The following IGDCC4 variants were observed in gnomAD, a reference collection of about 807,000 sequenced individuals.
IGDCC4 encodes the protein immunoglobulin superfamily DCC subclass member 4.
IGDCC4 carries 72 observed loss-of-function variants against 116.6 expected under a neutral mutation model. The ratio of observed to expected loss-of-function variants is 0.62; its 90% CI spans 0.51 to 0.75. IGDCC4 has a LOEUF of 0.75. IGDCC4 is among the 30% of genes least tolerant of loss of function. IGDCC4 has a pLI of 0.00. For synonymous variants in IGDCC4, 709 were observed against 719.9 expected, an observed-to-expected ratio of 0.98 and a Z score of 0.24; for missense variants, 1,501 against 1,662.4, an observed-to-expected ratio of 0.90 and a Z score of 1.69.
intron 5 of IGDCC4, among the ~76,000 whole-genome samples, chr15:65,397,828 G>A (rs958418631): frequency 6.6e-6 from 1 of 152,210 alleles, no homozygotes; most frequent in Non-Finnish European, 1.5e-5. Flanking sequence ...ACCTGTCCTA[G>A]GAAGATGATC....
At chr15:65,389,203 C>A in intron 14 of IGDCC4, 81 bp downstream of exon 14, 1 of 1,569,472 alleles carries the variant, frequency 6.4e-7, no homozygotes, top group African/African-American at 1.4e-5. Flanking sequence ...CCTTGGGGTT[C>A]TGAAGTATGT....
chr15:65,399,068 A>G (rs1024683398), intron 5 of IGDCC4, among the ~76,000 whole-genome samples: 2 of 152,164 alleles, frequency 1.3e-5, no homozygotes, highest in African/African-American at 2.4e-5. Context: ...CGTACTGTGC[A>G]CACGAATCAC....
chr15:65,384,332 C>T lies in IGDCC4; in HGVS notation c.3430G>A (p.Gly1144Arg), dbSNP rs552095729. The change falls in exon 20 of 20, where the codon GGG becomes AGG. Residue 1144 changes from glycine (G) to arginine (R), a missense_variant. Physicochemically the swap from Gly to Arg is moderately radical, Grantham distance 125 (BLOSUM62 -2). Around this residue, in one of 3 missense-constraint regions of IGDCC4, gnomAD observed 368 missense variants for 355.6 expected, o/e 1.03. Transcript: ENST00000352385. This position sits in a 1 kb window ranked among gnomAD's most constrained non-coding sequence, Gnocchi z 4.9. ...TCTTGGAGATGGAGGTCAGGGTTCC[C>T]GTTAGATGCACTAAAGTCAGAGTGG... ...IVHSDFSASN[G>R]NPDLHLQDLE... The T allele has an allele frequency of 2.8e-5, 44 of 1,598,122 alleles. No individual in the cohort carries two copies. Among genetic ancestry groups the T allele is most frequent in the South Asian group, 1.8e-4 (16 of 88,554 alleles).
intron 6 of IGDCC4, 117 bp downstream of exon 6, chr15:65,396,717 G>T: frequency 7.6e-7 from 1 of 1,311,220 alleles, no homozygotes; most frequent in Non-Finnish European, 1.0e-6. Context: ...TCCTCCCTGA[G>T]TTCGTCCTCC....
chr15:65,385,354 G>A (rs1339399331), intron 18 of IGDCC4: 1 of 568,362 alleles, frequency 1.8e-6, no homozygotes, highest in South Asian at 2.3e-5. Context: ...CAAAGCCCGC[G>A]GTGTCCGAGC....
rs537771742 is a variant in IGDCC4, at chr15:65,384,384, C to T, written c.3378G>A (p.Arg1126=). 6.5e-7 allele frequency: 1 copy of T among 1,535,268 alleles called. No individual in the cohort carries two copies. The highest frequency in any genetic ancestry group is 8.7e-7 in the Non-Finnish European group (1 of 1,143,192). Residue 1126 remains arginine, a synonymous_variant, in exon 20 of 20, where the codon AGG becomes AGA. Transcript: ENST00000352385. The surrounding 1 kb of genome is among the most constrained non-coding windows in gnomAD (Gnocchi z 4.9). The part of the protein sequence containing the change: ...NGRKKSPPAC[R]NQVEAEVIVH... ...CAATGACTTCAGCCTCCACCTGGTT[C>T]CTGCAGGCTGGGGGTGACTTCTTCC...
Position 65,388,905 on chromosome 15 carries a change from G to A in IGDCC4, c.2610C>T (p.Pro870=). The change falls in exon 15 of 20, where the codon CCC becomes CCT. Residue 870 remains proline (P), a synonymous_variant. Transcript: ENST00000352385. ...TPSTVRLHWC[P]PTEPNGEIVE... is the part of the protein sequence containing the mutation. ...CGATCTCCCCGTTGGGCTCTGTGGG[G>A]GGGCACCAGTGCAGCCGAACCGTGG... 1 of 1,613,840 alleles carries A rather than the reference G, an allele frequency of 6.2e-7. No individual in the cohort carries two copies. The highest frequency in any genetic ancestry group is 1.7e-4 in the Middle Eastern group (1 of 6,058).
At chr15:65,419,959 T>G (rs923876252) in intron 1 of IGDCC4, among the ~76,000 whole-genome samples, 4 of 152,150 alleles carry the variant, frequency 2.6e-5, no homozygotes, top group Non-Finnish European at 5.9e-5. Flanking sequence ...TTGTGTTTGT[T>G]TTTTTGAGAC....
chr15:65,401,045 G>A, intron 4 of IGDCC4, 99 bp from the exon 5 acceptor site: 2 of 1,486,866 alleles, frequency 1.3e-6, no homozygotes, highest in Non-Finnish European at 1.8e-6. Flanking sequence ...TGGTACCGGG[G>A]ACAGCAGCAA....
chr15:65,393,675 C>G lies in IGDCC4; in HGVS notation c.1715-144G>C, dbSNP rs2062890162. 2 of 779,692 alleles carry G rather than the reference C, an allele frequency of 2.6e-6. No homozygotes were observed. The highest frequency in any genetic ancestry group is 3.5e-5 in the African/African-American group (2 of 56,732). The allele number at this position is 779,692 out of a possible 1,614,324, so 48.3% of individuals were successfully genotyped here. ...CGTTCTCAGCACTGACCCCTCAGTG[C>G]CTGGGCAGATTCTATGGCTCCAGGG... is the stretch of plus-strand genomic sequence containing the variant. On this transcript the variant is annotated intron_variant, in intron 9 of 19. Transcript: ENST00000352385. The surrounding 1 kb of genome is among the most constrained non-coding windows in gnomAD (Gnocchi z 4.6).
intron 16 of IGDCC4, among the ~76,000 whole-genome samples, chr15:65,387,956 C>T (rs947556450): frequency 1.3e-5 from 2 of 151,840 alleles, no homozygotes; most frequent in Non-Finnish European, 2.9e-5. Context: ...CTAAAAAATA[C>T]AATAATTGGC....
chr15:65,393,371 GT>G lies in IGDCC4; in HGVS notation c.1874del (p.Asn625ThrfsTer12). On this transcript the variant is annotated frameshift_variant, in exon 10 of 20. Transcript: ENST00000352385. LOFTEE classifies it high-confidence loss of function. The surrounding 1 kb of genome is among the most constrained non-coding windows in gnomAD (Gnocchi z 4.6). ...CCTCTAACCCCGTACCATGGCTCTGGTTGTGCATACTGGGCGTCCTGTGATG... is the reference window on the plus strand; with the variant it reads ...CCTCTAACCCCGTACCATGGCTCTGGTGTGCATACTGGGCGTCCTGTGATG... ...WMHHRTPSMHNQSHVPFAPAE... is the reference protein window; with the variant it reads ...WMHHRTPSMHXQSHVPFAPAE... The G allele has an allele frequency of 6.2e-7, 1 of 1,611,664 alleles. No homozygotes were observed. Among genetic ancestry groups the G allele is most frequent in the Non-Finnish European group, 8.5e-7 (1 of 1,178,740 alleles).
chr15:65,420,797 C>G (rs2063183361), intron 1 of IGDCC4, among the ~76,000 whole-genome samples: 1 of 152,186 alleles, frequency 6.6e-6, no homozygotes, highest in Admixed American at 6.5e-5. Flanking sequence ...CTCTACTACT[C>G]ATCACTTTCT....
At chr15:65,402,574 C>A in intron 3 of IGDCC4, 87 bp from the exon 4 acceptor site, 1 of 1,484,274 alleles carries the variant, frequency 6.7e-7, no homozygotes, top group Non-Finnish European at 9.1e-7. Context: ...CAAATTAAAA[C>A]TCTAAGATAC....
intron 1 of IGDCC4, among the ~76,000 whole-genome samples, chr15:65,417,914 C>T (rs1157286878): frequency 6.6e-6 from 1 of 152,142 alleles, no homozygotes; most frequent in Non-Finnish European, 1.5e-5. Flanking sequence ...AGGTTTTTGA[C>T]TTGCCTTTCT....
At position 65,402,632 on chromosome 15, in the gene IGDCC4, G is replaced by GC. The variant is rs557027033; in HGVS notation, c.564-146dup. 1.0e-4 allele frequency: 111 copies of GC among 1,066,606 alleles called. 1 individual carries two copies. The highest frequency in any genetic ancestry group is 6.7e-4 in the South Asian group (40 of 59,724). The allele number at this position is 1,066,606 out of a possible 1,614,324, so 66.1% of individuals were successfully genotyped here. ...GCCTATAATCCCAGCACTTTGGGAG[G>GC]CGAGGCGGGCGAATCACATGAGGTC... On this transcript the variant is annotated intron_variant, in intron 3 of 19. Transcript: ENST00000352385.
Position 65,394,597 on chromosome 15 carries a change from G to A in IGDCC4, c.1577-49C>T, listed in dbSNP as rs1200984664. 4 of 1,535,786 alleles carry A rather than the reference G, an allele frequency of 2.6e-6. No individual in the cohort carries two copies. In the South Asian group the frequency reaches 3.8e-5, roughly 15 times the overall value. ...GAGCTCTGCTCCACCGACGTGGAAG[G>A]TGAGGCTCGGGAGCGGTCAGAGACT... On this transcript the variant is annotated intron_variant, in intron 8 of 19. Coordinates refer to ENST00000352385, the MANE Select transcript of IGDCC4 (RefSeq NM_020962.3).
intron 1 of IGDCC4, among the ~76,000 whole-genome samples, chr15:65,419,736 C>T (rs2063173444): frequency 6.6e-6 from 1 of 152,162 alleles, no homozygotes; most frequent in South Asian, 2.1e-4. Context: ...CTCTAGGTTC[C>T]CTACCCTCCA....
intron 8 of IGDCC4, 22 bp downstream of exon 8, chr15:65,395,072 A>G: frequency 6.3e-7 from 1 of 1,587,152 alleles, no homozygotes; most frequent in Admixed American, 1.7e-5. Context: ...CAAGCTGCCC[A>G]CTGCGAGTTC....
Sources: gnomAD v4.1 joint callset for allele counts (sites outside exome capture counted in the v4.1 genomes callset) on GRCh38, gnomAD v4.1.1 for gene constraint, gnomAD v4.1.1 regional missense constraint, Gnocchi (gnomAD v3.1) non-coding constraint, MANE v1.5 for transcripts, NCBI Gene and HGNC (gene_info 2026-07-23, HGNC 2026-07-21) for gene names.